The following ANKRD31 variants were observed in gnomAD, a reference collection of about 807,000 sequenced individuals.
ANKRD31 encodes ankyrin repeat domain 31.
ANKRD31 carries 147 observed loss-of-function variants against 186.0 expected under a neutral mutation model. The observed-to-expected ratio is 0.79, with a 90% confidence interval of 0.69 to 0.91. The LOEUF (loss-of-function observed/expected upper bound fraction) is 0.91. Among genes scored for constraint, ANKRD31 ranks in the 40% least tolerant of loss-of-function variants. The pLI, the probability that ANKRD31 is intolerant of heterozygous loss-of-function variation, is 0.00. For synonymous variants in ANKRD31, 673 were observed against 736.4 expected (o/e 0.91, Z 1.39); for missense variants, 1,986 against 2,148.8 (o/e 0.92, Z 1.50).
At chr5:75,195,068 T>C (rs1755372903) in intron 7 of ANKRD31, among the ~76,000 whole-genome samples, 1 of 152,196 alleles carries the variant, frequency 6.6e-6, no homozygotes, top group Admixed American at 6.5e-5. Flanking sequence ...CCTCCAGGCA[T>C]AATACTACAA....
At chr5:75,203,648 G>C (rs1277556808) in intron 5 of ANKRD31, among the ~76,000 whole-genome samples, 1 of 132,414 alleles carries the variant, frequency 7.6e-6, no homozygotes, top group African/African-American at 3.2e-5. Context: ...GGGCGAAAGA[G>C]AGAGGATCCA....
chr5:75,100,107 T>A (rs7724438), intron 22 of ANKRD31, among the ~76,000 whole-genome samples: 77,196 of 151,978 alleles, frequency 0.51, 22,667 homozygotes, highest in African/African-American at 0.82. Context: ...TGTCCCAGAG[T>A]TTCTGGTATG....
chr5:75,123,621 T>A (rs1003356398), intron 17 of ANKRD31, among the ~76,000 whole-genome samples: 1 of 151,952 alleles, frequency 6.6e-6, no homozygotes, highest in African/African-American at 2.4e-5. Flanking sequence ...AATAAAAGAA[T>A]AGAGAACCCA....
intron 10 of ANKRD31, among the ~76,000 whole-genome samples, chr5:75,181,429 T>G (rs1288726852): frequency 6.6e-6 from 1 of 152,136 alleles, no homozygotes; most frequent in Non-Finnish European, 1.5e-5. Context: ...TAAAGACACA[T>G]GCACACGTAC....
In ANKRD31 at chr5:75,107,563, G is replaced by T; in HGVS notation, c.4298C>A (p.Ala1433Asp). 6.5e-7 allele frequency: 1 copy of T among 1,531,162 alleles called. No homozygotes were observed. The highest frequency in any genetic ancestry group is 8.7e-7 in the Non-Finnish European group (1 of 1,143,682). The allele number at this position is 1,531,162 out of a possible 1,614,324, so 94.8% of individuals were successfully genotyped here. A position where few individuals can be genotyped will look rare whatever the true frequency, so the allele number is the denominator to read the frequency against. Residue 1433 changes from alanine (A) to aspartate (D), a missense_variant, in exon 21 of 26, where the codon GCC becomes GAC. Coordinates refer to ENST00000506364, the MANE Select transcript of ANKRD31 (RefSeq NM_001372053.1). Reference protein sequence around the residue: ...KIKKIMDNVLAKQKAERDDLA... With the variant: ...KIKKIMDNVLDKQKAERDDLA... ...ATCATCCCTTTCTGCTTTCTGCTTG[G>T]CAAGCACATTATCCATAATCTTTTT...
chr5:75,098,855 A>G (rs568181131), intron 22 of ANKRD31, among the ~76,000 whole-genome samples: 48 of 152,336 alleles, frequency 3.2e-4, no homozygotes, highest in Non-Finnish European at 4.6e-4. Context: ...TTTTCTAAAT[A>G]TACAATCATG....
intron 19 of ANKRD31, among the ~76,000 whole-genome samples, chr5:75,114,481 A>G (rs1279719647): frequency 6.6e-6 from 1 of 152,184 alleles, no homozygotes; most frequent in Admixed American, 6.5e-5. Flanking sequence ...TAATAAAAAA[A>G]TTCATTGATT....
At chr5:75,097,434 GT>G (rs1288804342) in intron 22 of ANKRD31, among the ~76,000 whole-genome samples, 1 of 152,012 alleles carries the variant, frequency 6.6e-6, no homozygotes, top group Non-Finnish European at 1.5e-5. Context: ...TTTTTCATGT[GT>G]TTTTTTGGCT....
At chr5:75,139,046 A>G in intron 15 of ANKRD31, 63 bp from the exon 16 acceptor site, 6 of 1,504,134 alleles carry the variant, frequency 4.0e-6, no homozygotes, top group Non-Finnish European at 5.3e-6. Flanking sequence ...AAAGGATCTT[A>G]GAAAATACAT....
chr5:75,095,266 A>C (rs1464587593), intron 22 of ANKRD31, among the ~76,000 whole-genome samples: 1 of 151,978 alleles, frequency 6.6e-6, no homozygotes, highest in Non-Finnish European at 1.5e-5. Context: ...TCAAGAGATC[A>C]AGACCATCCT....
intron 11 of ANKRD31, among the ~76,000 whole-genome samples, chr5:75,167,153 T>C (rs927939780): frequency 6.6e-6 from 1 of 152,118 alleles, no homozygotes; most frequent in Admixed American, 6.6e-5. Flanking sequence ...TATTTCAAAT[T>C]AATGGAATGG....
At chr5:75,081,683 G>GCAGAGAGAGAGAGAGA (rs1433328147) in intron 24 of ANKRD31, among the ~76,000 whole-genome samples, 1 of 150,396 alleles carries the variant, frequency 6.6e-6, no homozygotes, top group African/African-American at 2.5e-5. Flanking sequence ...TGGGGAGGAG[G>GCAGAGAGAGAGAGAGA]CAGAGAGAGA....
chr5:75,129,741 T>C (rs749360372), intron 17 of ANKRD31, among the ~76,000 whole-genome samples: 4 of 152,240 alleles, frequency 2.6e-5, no homozygotes, highest in Admixed American at 6.5e-5. Flanking sequence ...GGTTGATTTC[T>C]GCATTTCCAA....
intron 10 of ANKRD31, among the ~76,000 whole-genome samples, chr5:75,186,508 T>G (rs903222763): frequency 3.9e-5 from 6 of 152,222 alleles, no homozygotes; most frequent in Non-Finnish European, 7.3e-5. Flanking sequence ...TGGGCCAACC[T>G]TTCTTTTTCA....
chr5:75,112,633 A>T (rs1276096064), intron 19 of ANKRD31, 33 bp from the exon 20 acceptor site: 2 of 1,346,632 alleles, frequency 1.5e-6, no homozygotes, highest in South Asian at 2.7e-5. Flanking sequence ...ACTTCATTAT[A>T]AAGGGGTAGA....
chr5:75,107,165 A>C (rs1409375176), intron 21 of ANKRD31, among the ~76,000 whole-genome samples: 1 of 152,038 alleles, frequency 6.6e-6, no homozygotes, highest in Admixed American at 6.6e-5. Flanking sequence ...GCTTAGAAGG[A>C]CGTTTGTGAC....
chr5:75,200,304 T>C (rs549729599), intron 5 of ANKRD31, among the ~76,000 whole-genome samples: 75 of 151,334 alleles, frequency 5.0e-4, no homozygotes, highest in Middle Eastern at 3.4e-3. Flanking sequence ...TTTCTTTTTT[T>C]TTTTTTTCTT....
At chr5:75,180,071 C>T (rs1754165191) in intron 10 of ANKRD31, among the ~76,000 whole-genome samples, 1 of 152,170 alleles carries the variant, frequency 6.6e-6, no homozygotes, top group South Asian at 2.1e-4. Flanking sequence ...AAATCACAAG[C>T]ATTCTTATAC....
intron 2 of ANKRD31, among the ~76,000 whole-genome samples, chr5:75,224,160 TGTATATATATATATATATAC>T (rs1213870435): frequency 4.0e-4 from 18 of 45,034 alleles, no homozygotes; most frequent in African/African-American, 2.9e-3. Context: ...TATATATATA[TGTATATATATATATATATAC>T]ACACATTTCT....
Sources: allele counts gnomAD v4.1 joint callset (sites outside exome capture counted in the v4.1 genomes callset), GRCh38; gene constraint gnomAD v4.1.1; transcripts MANE v1.5; gene names NCBI Gene and HGNC (gene_info 2026-07-23, HGNC 2026-07-21).